The following MCPH1 variants were observed in gnomAD, a reference collection of about 807,000 sequenced individuals.
MCPH1 encodes the protein microcephalin.
A neutral mutation model predicts 84.5 loss-of-function variants in MCPH1; 104 were observed. The ratio of observed to expected loss-of-function variants is 1.23; its 90% CI spans 1.05 to 1.45. The LOEUF (loss-of-function observed/expected upper bound fraction) is 1.45, where lower values mean the gene tolerates loss of function less well. Ranked by LOEUF, MCPH1 falls within the 40% of genes most tolerant of loss-of-function variation. The probability of loss-of-function intolerance (pLI) is 0.00; values close to 1 mark genes in which losing one functional copy is unlikely to be tolerated. For synonymous variants in MCPH1, 514 were observed against 366.8 expected (o/e 1.40, Z -4.58); for missense variants, 1,498 against 1,005.7 (o/e 1.49, Z -6.62).
intron 12 of MCPH1, among the ~76,000 whole-genome samples, chr8:6,598,084 C>G (rs575306057): frequency 6.6e-6 from 1 of 152,166 alleles, no homozygotes. Context: ...CTTGTGCCTC[C>G]GCTCAACAGG....
chr8:6,524,714 C>G (rs924339029), intron 12 of MCPH1, among the ~76,000 whole-genome samples: 1 of 152,140 alleles, frequency 6.6e-6, no homozygotes, highest in Non-Finnish European at 1.5e-5. Context: ...CATCATCAAG[C>G]TAAAAAGACA....
chr8:6,576,901 C>T (rs1827172870), intron 12 of MCPH1, among the ~76,000 whole-genome samples: 1 of 151,858 alleles, frequency 6.6e-6, no homozygotes. Flanking sequence ...GTGCATTCAT[C>T]TCAGCCGCCC....
chr8:6,511,531 C>T (rs1180297881), intron 12 of MCPH1, among the ~76,000 whole-genome samples: 1 of 152,030 alleles, frequency 6.6e-6, no homozygotes, highest in Non-Finnish European at 1.5e-5. Flanking sequence ...TTTTCCAACA[C>T]TTGGGGAACA....
At chr8:6,501,877 A>G (rs144431863) in intron 12 of MCPH1, 4 of 151,804 alleles carry the variant, frequency 2.6e-5, no homozygotes, top group Non-Finnish European at 5.9e-5. Context: ...AATTTTTGGT[A>G]AATATTTAAA....
intron 3 of MCPH1, among the ~76,000 whole-genome samples, chr8:6,430,169 C>T (rs2916765): frequency 0.015 from 2,265 of 152,302 alleles, 54 homozygotes; most frequent in African/African-American, 0.051. Flanking sequence ...GTTATGCAAC[C>T]TGTTGCTGCT....
At chr8:6,429,948 T>C (rs1373693444) in intron 3 of MCPH1, among the ~76,000 whole-genome samples, 3 of 152,196 alleles carry the variant, frequency 2.0e-5, no homozygotes, top group African/African-American at 7.2e-5. Context: ...ACATGAATTC[T>C]TTTTTTGTTG....
chr8:6,555,502 C>A (rs1441613705), intron 12 of MCPH1, among the ~76,000 whole-genome samples: 3 of 149,758 alleles, frequency 2.0e-5, no homozygotes, highest in African/African-American at 7.5e-5. Flanking sequence ...CACTGCGTAG[C>A]CCAGGCTGGA....
rs141671818 is a variant in MCPH1, at chr8:6,459,899, C to T, written c.1935+4647C>T. Among the ~76,000 whole-genome samples the T allele has an allele frequency of 2.2e-3, 335 of 152,236 alleles. 2 individuals carry two copies. Among genetic ancestry groups the T allele is most frequent in the African/African-American group, 7.8e-3 (325 of 41,534 alleles). On this transcript the variant is annotated intron_variant, in intron 9 of 13. Transcript: ENST00000344683. ...AAGGTGGGAAGGCCTGGAGCCTGTGCGAAGAGCAGCACGGCCTTGGTGTGG... is the reference window on the plus strand; with the variant it reads ...AAGGTGGGAAGGCCTGGAGCCTGTGTGAAGAGCAGCACGGCCTTGGTGTGG...
chr8:6,531,222 T>C (rs1458790237), intron 12 of MCPH1, among the ~76,000 whole-genome samples: 9 of 152,126 alleles, frequency 5.9e-5, no homozygotes, highest in Admixed American at 5.9e-4. Context: ...AGCATGTCTC[T>C]CGGTGAATTT....
At chr8:6,460,769 C>A (rs916323912) in intron 9 of MCPH1, among the ~76,000 whole-genome samples, 12 of 151,976 alleles carry the variant, frequency 7.9e-5, no homozygotes, top group Non-Finnish European at 1.3e-4. Flanking sequence ...TAGCTGTCCC[C>A]TGGGAGTGTG....
Position 6,438,985 on chromosome 8 carries a change from A to C in MCPH1, c.469A>C (p.Asn157His). 3.1e-6 allele frequency: 5 copies of C among 1,611,792 alleles called. No homozygotes were observed. The highest frequency in any genetic ancestry group is 4.2e-6 in the Non-Finnish European group (5 of 1,178,194). ...TGTACCTATTCTCTTATTTGAATCT[A>C]ATGGTTCATTAATATATACTCCCAC... ...DDVPILLFES[N>H]GSLIYTPTIE... is the part of the protein sequence containing the mutation. The change falls in exon 6 of 14, where the codon AAT (asparagine) becomes CAT (histidine). Residue 157 changes from asparagine to histidine, a missense_variant. Coordinates refer to ENST00000344683, the MANE Select transcript of MCPH1 (RefSeq NM_024596.5).
At chr8:6,592,892 C>G (rs1457183613) in intron 12 of MCPH1, among the ~76,000 whole-genome samples, 1 of 149,154 alleles carries the variant, frequency 6.7e-6, no homozygotes, top group African/African-American at 2.5e-5. Flanking sequence ...GTCTCAAACT[C>G]CTGAGCTCAA....
chr8:6,416,605 G>C (rs1183933992), intron 3 of MCPH1, among the ~76,000 whole-genome samples: 1 of 152,110 alleles, frequency 6.6e-6, no homozygotes, highest in Non-Finnish European at 1.5e-5. Context: ...TATTAATGTG[G>C]TGTAATTGAG....
chr8:6,602,955 G>A (rs1265290765), intron 12 of MCPH1, among the ~76,000 whole-genome samples: 2 of 151,824 alleles, frequency 1.3e-5, no homozygotes, highest in African/African-American at 4.8e-5. Context: ...GTGTACATAG[G>A]CGCATGTGTG....
chr8:6,571,091 A>G (rs909114441), intron 12 of MCPH1, among the ~76,000 whole-genome samples: 8 of 152,116 alleles, frequency 5.3e-5, no homozygotes, highest in African/African-American at 1.9e-4. Flanking sequence ...ATTCTCTAGT[A>G]TTATTATGGA....
intron 12 of MCPH1, chr8:6,508,807 G>C: frequency 1.5e-6 from 2 of 1,304,692 alleles, no homozygotes; most frequent in Admixed American, 1.7e-5. Flanking sequence ...TATCAAGCTA[G>C]TGTGTCTACG....
intron 3 of MCPH1, among the ~76,000 whole-genome samples, chr8:6,419,979 C>T (rs116493324): frequency 3.7e-4 from 56 of 151,638 alleles, no homozygotes; most frequent in African/African-American, 1.2e-3. Context: ...ATAGGCCAGG[C>T]TTGTGGCCAG....
intron 13 of MCPH1, chr8:6,626,758 G>T (rs1832123339): frequency 1.0e-6 from 1 of 985,198 alleles, no homozygotes; most frequent in Admixed American, 6.2e-5. Context: ...CTTGGGTGGA[G>T]CTCTGAGCCC....
intron 3 of MCPH1, among the ~76,000 whole-genome samples, chr8:6,429,568 C>G (rs1179205909): frequency 6.6e-6 from 1 of 151,926 alleles, no homozygotes; most frequent in African/African-American, 2.4e-5. Context: ...CCCCAGACAG[C>G]TCTTATCTAC....
Sources: gnomAD v4.1 joint callset for allele counts (sites outside exome capture counted in the v4.1 genomes callset) on GRCh38, gnomAD v4.1.1 for gene constraint, MANE v1.5 for transcripts, NCBI Gene and HGNC (gene_info 2026-07-23, HGNC 2026-07-21) for gene names.